Variants in LIMCH1 observed in about 807,000 individuals in gnomAD.
LIMCH1 encodes the protein LIM and calponin homology domains 1.
A neutral mutation model predicts 176.5 loss-of-function variants in LIMCH1; 113 were observed. The ratio of observed to expected loss-of-function variants is 0.64; its 90% CI spans 0.55 to 0.75. The LOEUF is 0.75. Among genes scored for constraint, LIMCH1 ranks in the 30% least tolerant of loss-of-function variants. The probability of loss-of-function intolerance (pLI) is 0.00; values close to 1 mark genes in which losing one functional copy is unlikely to be tolerated. For missense variants in LIMCH1, 1,674 were observed against 1,814.9 expected, an observed-to-expected ratio of 0.92 and a Z score of 1.41; for synonymous variants, 619 against 645.9, an observed-to-expected ratio of 0.96 and a Z score of 0.63.
intron 8 of LIMCH1, among the ~76,000 whole-genome samples, chr4:41,628,810 G>C (rs1367201190): frequency 6.6e-6 from 1 of 152,180 alleles, no homozygotes; most frequent in Non-Finnish European, 1.5e-5. Flanking sequence ...AAGGTGAACG[G>C]TTATTAACAC....
intron 14 of LIMCH1, among the ~76,000 whole-genome samples, chr4:41,639,946 G>T (rs745952667): frequency 7.9e-5 from 12 of 152,176 alleles, no homozygotes; most frequent in Non-Finnish European, 1.8e-4. Context: ...AATAGAATTT[G>T]CATGTAGAAC....
At chr4:41,393,937 G>A (rs917016890) in intron 1 of LIMCH1, among the ~76,000 whole-genome samples, 4 of 152,100 alleles carry the variant, frequency 2.6e-5, no homozygotes, top group Admixed American at 6.5e-5. Context: ...TCAGGAACTC[G>A]TTTTACTGTG....
At chr4:41,689,436 A>ATTTTTCAT (rs1723604072) in intron 29 of LIMCH1, 91 bp from the exon 30 acceptor site, 2 of 681,466 alleles carry the variant, frequency 2.9e-6, no homozygotes, top group Non-Finnish European at 5.3e-6. Context: ...AAAAATCCAT[A>ATTTTTCAT]TTTTCATTTT....
chr4:41,454,848 G>A (rs7659537), intron 1 of LIMCH1, among the ~76,000 whole-genome samples: 1 of 152,036 alleles, frequency 6.6e-6, no homozygotes, highest in Non-Finnish European at 1.5e-5. Flanking sequence ...ATGAGAGATC[G>A]AAATCCTGAC....
At chr4:41,681,724 A>G (rs538346692) in intron 25 of LIMCH1, among the ~76,000 whole-genome samples, 145 of 152,306 alleles carry the variant, frequency 9.5e-4, no homozygotes, top group Admixed American at 1.6e-3. Context: ...CTTAACACTC[A>G]GGTGATGGGT....
chr4:41,625,656 A>G (rs1047311498), intron 7 of LIMCH1, among the ~76,000 whole-genome samples: 2 of 152,110 alleles, frequency 1.3e-5, no homozygotes, highest in Non-Finnish European at 2.9e-5. Context: ...CTGCATATCT[A>G]AATTGAGATC....
intron 1 of LIMCH1, among the ~76,000 whole-genome samples, chr4:41,573,923 T>A (rs1425881465): frequency 6.6e-6 from 1 of 152,190 alleles, no homozygotes; most frequent in African/African-American, 2.4e-5. Flanking sequence ...GAGCTATTTT[T>A]AAAGTTCTGT....
chr4:41,491,747 C>A (rs531241459), intron 1 of LIMCH1, among the ~76,000 whole-genome samples: 1 of 139,526 alleles, frequency 7.2e-6, no homozygotes, highest in Non-Finnish European at 1.5e-5. Flanking sequence ...CAGGCAGAGG[C>A]GCTCCTCACT....
At chr4:41,399,884 A>G (rs1287881469) in intron 1 of LIMCH1, among the ~76,000 whole-genome samples, 8 of 130,850 alleles carry the variant, frequency 6.1e-5, no homozygotes, top group Middle Eastern at 4.2e-3. Context: ...GGGTTTCACC[A>G]TGTTGGCCAG....
chr4:41,615,204 A>G (rs1561928750), intron 5 of LIMCH1, among the ~76,000 whole-genome samples: 1 of 152,164 alleles, frequency 6.6e-6, no homozygotes, highest in Non-Finnish European at 1.5e-5. Flanking sequence ...GATTTCATAC[A>G]TATTATTTTG....
intron 8 of LIMCH1, among the ~76,000 whole-genome samples, chr4:41,627,994 C>T (rs2093076233): frequency 6.6e-6 from 1 of 152,062 alleles, no homozygotes; most frequent in South Asian, 2.1e-4. Context: ...TTAGGAAGTA[C>T]CAGATACAAA....
At position 41,659,278 on chromosome 4, in the gene LIMCH1, C is replaced by G. The variant is rs559415812; in HGVS notation, c.3037-2142C>G. The stretch of plus-strand genomic sequence containing the variant: ...ATCCAAGGTGATGCATATTTCCTGC[C>G]TAGGGTTTTAAAAGTGTGTTTTAAC... On this transcript the variant is annotated intron_variant, in intron 18 of 31. Transcript: ENST00000503057. Among the ~76,000 whole-genome samples, 8 of 152,134 alleles carry G rather than the reference C, an allele frequency of 5.3e-5. No homozygotes were observed. In the East Asian group the frequency reaches 1.3e-3, roughly 26 times the overall value.
rs569997450 is a variant in LIMCH1, at chr4:41,473,023, A to G, written c.97-21513A>G. 12 of 984,916 alleles carry G rather than the reference A, an allele frequency of 1.2e-5. No homozygotes were observed. The South Asian group carries it at 2.8e-4, about 23-fold the overall frequency. The allele number at this position is 984,916 out of a possible 1,614,324, so 61.0% of individuals were successfully genotyped here. ...TCGGTAGGCCAGAGAATAAATGCGA[A>G]GGCCAATCTCCACGAAATAATAATG... On this transcript the variant is annotated intron_variant, in intron 1 of 26. Coordinates refer to the LIMCH1 transcript ENST00000313860.
At chr4:41,581,805 CAAAAAA>C (rs56150312) in intron 1 of LIMCH1, among the ~76,000 whole-genome samples, 15 of 76,186 alleles carry the variant, frequency 2.0e-4, no homozygotes, top group Admixed American at 8.8e-4. Context: ...GACTCTGTCT[CAAAAAA>C]AAAAAAAAAA....
At chr4:41,532,671 A>T (rs1241852545) in intron 3 of LIMCH1, among the ~76,000 whole-genome samples, 1 of 152,134 alleles carries the variant, frequency 6.6e-6, no homozygotes, top group African/African-American at 2.4e-5. Flanking sequence ...TTGTTCACTG[A>T]TGTGCTTGGA....
At chr4:41,361,683 G>A (rs1016922369) in intron 1 of LIMCH1, among the ~76,000 whole-genome samples, 2 of 152,216 alleles carry the variant, frequency 1.3e-5, no homozygotes, top group African/African-American at 4.8e-5. Context: ...AATCACTGGA[G>A]CTCTCGGCTC....
chr4:41,417,712 T>C (rs1236431186), intron 1 of LIMCH1, among the ~76,000 whole-genome samples: 1 of 151,986 alleles, frequency 6.6e-6, no homozygotes, highest in East Asian at 1.9e-4. Context: ...TCTGTAGAGA[T>C]GTGGTTTCAC....
At chr4:41,602,200 A>G (rs1289149287) in intron 2 of LIMCH1, among the ~76,000 whole-genome samples, 3 of 151,684 alleles carry the variant, frequency 2.0e-5, no homozygotes, top group African/African-American at 4.8e-5. Context: ...AGTGAACTCT[A>G]CCTGTAATGG....
chr4:41,555,288 TA>T (rs2081081605), intron 1 of LIMCH1, among the ~76,000 whole-genome samples: 4 of 152,342 alleles, frequency 2.6e-5, no homozygotes, highest in Admixed American at 2.6e-4. Context: ...TTGATGGGCA[TA>T]AATGTGAAGG....
Sources: allele counts gnomAD v4.1 joint callset (sites outside exome capture counted in the v4.1 genomes callset), GRCh38; gene constraint gnomAD v4.1.1; transcripts MANE v1.5; gene names NCBI Gene and HGNC (gene_info 2026-07-23, HGNC 2026-07-21).